The following AFMID variants were observed in gnomAD, a reference collection of about 807,000 sequenced individuals.
AFMID encodes kynurenine formamidase.
A neutral mutation model predicts 47.5 loss-of-function variants in AFMID; 39 were observed. That is an observed-to-expected ratio of 0.82 (90% CI 0.64 to 1.07). The LOEUF (loss-of-function observed/expected upper bound fraction) is 1.07, where lower values mean the gene tolerates loss of function less well. AFMID is among the 50% of genes least tolerant of loss of function. AFMID has a pLI of 0.00. For synonymous variants in AFMID, 130 were observed against 153.2 expected (o/e 0.85, Z 1.12); for missense variants, 375 against 387.5 (o/e 0.97, Z 0.27).
intron 10 of AFMID, among the ~76,000 whole-genome samples, chr17:78,206,299 A>G (rs1394019441): frequency 7.0e-6 from 1 of 143,784 alleles, no homozygotes; most frequent in Non-Finnish European, 1.5e-5. Context: ...AGATTGCACC[A>G]CTGCACTCCG....
At chr17:78,205,816 G>A (rs926500062) in intron 9 of AFMID, 78 bp downstream of exon 9, 2 of 1,598,082 alleles carry the variant, frequency 1.3e-6, no homozygotes, top group Non-Finnish European at 1.7e-6. Flanking sequence ...TTACCCAAGT[G>A]GACAAGACCC....
At chr17:78,201,831 C>T (rs985420278) in intron 2 of AFMID, among the ~76,000 whole-genome samples, 3 of 151,716 alleles carry the variant, frequency 2.0e-5, no homozygotes, top group Non-Finnish European at 2.9e-5. Context: ...CCCGGATTCA[C>T]GCCATTCTCC....
chr17:78,189,583 A>G (rs1222126295), intron 1 of AFMID, among the ~76,000 whole-genome samples: 2 of 149,982 alleles, frequency 1.3e-5, no homozygotes, highest in Non-Finnish European at 2.9e-5. Context: ...CAATGGCGCA[A>G]TCTTGGCTCA....
intron 2 of AFMID, among the ~76,000 whole-genome samples, 178 bp downstream of exon 2, chr17:78,191,238 G>T (rs2145846065): frequency 6.6e-6 from 1 of 152,284 alleles, no homozygotes; most frequent in African/African-American, 2.4e-5. Flanking sequence ...ACCCCTTGCT[G>T]CAGGGACTAC....
chr17:78,189,298 CT>C (rs1238783632), intron 1 of AFMID, among the ~76,000 whole-genome samples: 3 of 149,410 alleles, frequency 2.0e-5, no homozygotes, highest in African/African-American at 7.5e-5. Flanking sequence ...TCTCAGCTCG[CT>C]GCAACCTCCA....
chr17:78,198,909 C>T (rs527746180), intron 2 of AFMID, among the ~76,000 whole-genome samples: 12 of 152,306 alleles, frequency 7.9e-5, no homozygotes, highest in African/African-American at 2.6e-4. Context: ...CCCTGGCCCC[C>T]GTCAAGGTGG....
intron 2 of AFMID, among the ~76,000 whole-genome samples, chr17:78,200,805 A>T (rs922135887): frequency 6.6e-6 from 1 of 152,222 alleles, no homozygotes; most frequent in African/African-American, 2.4e-5. Flanking sequence ...GTACTTTGTT[A>T]CAGCTGCCCT....
chr17:78,192,816 T>G (rs544677790), intron 2 of AFMID: 22 of 331,340 alleles, frequency 6.6e-5, no homozygotes, highest in African/African-American at 3.5e-4. Flanking sequence ...GCTTGGCAAA[T>G]TAGCTCTGTT....
chr17:78,187,420 A>T lies in AFMID; in HGVS notation c.50A>T (p.Lys17Met). 1 of 1,613,978 alleles carries T rather than the reference A, an allele frequency of 6.2e-7. No homozygotes were observed. Among genetic ancestry groups the T allele is most frequent in the Non-Finnish European group, 8.5e-7 (1 of 1,179,938 alleles). Residue 17 changes from lysine to methionine, a missense_variant, in exon 1 of 11, where the codon AAG (lysine) becomes ATG (methionine). Lys to Met is a moderately conservative substitution (Grantham distance 95). Coordinates refer to ENST00000409257, the MANE Select transcript of AFMID (RefSeq NM_001010982.5). ...VGFPSKVPWK[K>M]MSAEELENQY... ...TTCCCAAGCAAGGTTCCTTGGAAGA[A>T]GATGTCTGCAGAGGTAGGTGGATTG...
intron 2 of AFMID, among the ~76,000 whole-genome samples, chr17:78,200,646 G>C (rs532846320): frequency 1.3e-5 from 2 of 152,192 alleles, no homozygotes. Flanking sequence ...CGTAGCCCCA[G>C]GCCTTGGAAC....
chr17:78,203,645 A>G (rs1309056029), intron 4 of AFMID: 2 of 152,126 alleles, frequency 1.3e-5, no homozygotes, highest in Non-Finnish European at 2.9e-5. Context: ...AGCAGTGGGT[A>G]TTTGGGAATT....
Position 78,206,405 on chromosome 17 carries a change from GTTTC to G in AFMID, c.885+363_885+366del, listed in dbSNP as rs1380319265. On this transcript the variant is annotated intron_variant, in intron 10 of 10. Transcript: ENST00000409257. ...GAAAGAACCTAAGAAAGACCATCTT[GTTTC>G]TTTCTTTTTTTTTTTCTTTAGAGAC... Among the ~76,000 whole-genome samples, 10 of 148,630 alleles carry G rather than the reference GTTTC, an allele frequency of 6.7e-5. 1 individual carries two copies. In the East Asian group the frequency reaches 9.9e-4, roughly 15 times the overall value.
intron 2 of AFMID, among the ~76,000 whole-genome samples, chr17:78,198,756 C>A (rs1030071756): frequency 1.1e-4 from 16 of 152,072 alleles, no homozygotes; most frequent in Admixed American, 7.9e-4. Context: ...TTGCAGTGAG[C>A]CAAGATTGCA....
At chr17:78,205,895 C>A (rs748194763) in intron 9 of AFMID, 51 bp from the exon 10 acceptor site, 3 of 1,599,372 alleles carry the variant, frequency 1.9e-6, no homozygotes, top group African/African-American at 2.7e-5. Context: ...TGTCCTGCCC[C>A]ACCTCCCCTC....
chr17:78,195,436 C>G (rs562912339), intron 2 of AFMID, among the ~76,000 whole-genome samples: 2 of 151,644 alleles, frequency 1.3e-5, no homozygotes, highest in African/African-American at 4.8e-5. Flanking sequence ...CTCAGGTGAT[C>G]CGCCTGCCTC....
intron 2 of AFMID, among the ~76,000 whole-genome samples, chr17:78,198,101 C>T (rs747893904): frequency 1.4e-4 from 22 of 152,062 alleles, no homozygotes; most frequent in Non-Finnish European, 2.9e-4. Flanking sequence ...TGGTGGCACA[C>T]GCCTATAGTC....
intron 2 of AFMID, chr17:78,192,925 T>A (rs1458847238): frequency 3.8e-6 from 1 of 265,240 alleles, no homozygotes; most frequent in African/African-American, 2.2e-5. Context: ...ACAGACTTGT[T>A]AGAAGTGTAT....
At chr17:78,204,938 CAGTG>C in intron 6 of AFMID, 38 bp downstream of exon 6, 2 of 1,612,686 alleles carry the variant, frequency 1.2e-6, no homozygotes, top group Non-Finnish European at 1.7e-6. Flanking sequence ...TGTTGGACCT[CAGTG>C]GGTGGGAGGA....
chr17:78,194,331 G>A (rs113213832), intron 2 of AFMID, among the ~76,000 whole-genome samples: 43,255 of 151,938 alleles, frequency 0.28, 6,244 homozygotes, highest in African/African-American at 0.31. Flanking sequence ...CACCATGTTC[G>A]CCAGGTTGGT....
Sources: allele counts gnomAD v4.1 joint callset (sites outside exome capture counted in the v4.1 genomes callset), GRCh38; gene constraint gnomAD v4.1.1; transcripts MANE v1.5; gene names NCBI Gene and HGNC (gene_info 2026-07-23, HGNC 2026-07-21).